The following ZBTB20 variants were observed in gnomAD, a reference collection of about 807,000 sequenced individuals.
The protein encoded by ZBTB20 is zinc finger and BTB domain containing 20.
ZBTB20 carries 9 observed loss-of-function variants against 56.9 expected under a neutral mutation model. The observed-to-expected ratio is 0.16, with a 90% confidence interval of 0.10 to 0.28. ZBTB20 has a LOEUF of 0.28. ZBTB20 is among the 10% of genes least tolerant of loss of function. ZBTB20 has a pLI of 1.00. For synonymous variants in ZBTB20, 417 were observed against 420.7 expected (o/e 0.99, Z 0.11); for missense variants, 655 against 1,003.0 (o/e 0.65, Z 4.69).
At position 114,317,514 on chromosome 3, in the gene ZBTB20, C is replaced by A. The variant is rs2078733109; in HGVS notation, c.*21491G>T. On this transcript the variant is annotated 3_prime_UTR_variant, in exon 12 of 12. Coordinates refer to ENST00000675478, the MANE Select transcript of ZBTB20 (RefSeq NM_001348800.3). ...CAATGTTCAGGAAATGCTCTGAAAT[C>A]AAACGGATTTAGGCTGTCATGTACA... is the stretch of plus-strand genomic sequence containing the variant. 1 of 152,062 alleles carries A rather than the reference C, an allele frequency of 6.6e-6. No individual in the cohort carries two copies. Among genetic ancestry groups the A allele is most frequent in the African/African-American group, 2.4e-5 (1 of 41,396 alleles). The allele number at this position is 152,062 out of a possible 1,614,324, so 9.4% of individuals were successfully genotyped here.
At chr3:115,146,999 G>C (rs1010314790) in intron 1 of ZBTB20, among the ~76,000 whole-genome samples, 18 of 147,990 alleles carry the variant, frequency 1.2e-4, no homozygotes, top group African/African-American at 4.0e-4. Flanking sequence ...CGGGCGGGGC[G>C]GGGCGGGGCG....
chr3:115,023,574 T>G (rs552228570), intron 2 of ZBTB20, among the ~76,000 whole-genome samples: 1 of 151,060 alleles, frequency 6.6e-6, no homozygotes, highest in South Asian at 2.1e-4. Flanking sequence ...ATGCTATACT[T>G]CTCTTTGACA....
intron 3 of ZBTB20, among the ~76,000 whole-genome samples, chr3:114,973,660 A>G (rs1235884264): frequency 6.6e-6 from 1 of 152,138 alleles, no homozygotes; most frequent in Non-Finnish European, 1.5e-5. Flanking sequence ...GTTGGATCGC[A>G]CCACCCCATC....
At chr3:114,914,189 T>C (rs973575280) in intron 3 of ZBTB20, among the ~76,000 whole-genome samples, 18 of 152,108 alleles carry the variant, frequency 1.2e-4, no homozygotes, top group African/African-American at 4.3e-4. Flanking sequence ...TTAACAATGT[T>C]GATCCTTCCA....
At chr3:114,473,491 C>T (rs1346196165) in intron 7 of ZBTB20, among the ~76,000 whole-genome samples, 6 of 151,960 alleles carry the variant, frequency 3.9e-5, no homozygotes, top group East Asian at 1.9e-4. Flanking sequence ...TTTTGTAGCC[C>T]GGCAATTTCC....
At chr3:115,106,215 G>A (rs900569809) in intron 1 of ZBTB20, among the ~76,000 whole-genome samples, 18 of 149,364 alleles carry the variant, frequency 1.2e-4, no homozygotes, top group Non-Finnish European at 2.2e-4. Context: ...TGTAAGTGGC[G>A]TAATTACACA....
intron 6 of ZBTB20, among the ~76,000 whole-genome samples, chr3:114,537,088 T>C (rs779836845): frequency 6.6e-6 from 1 of 152,086 alleles, no homozygotes; most frequent in African/African-American, 2.4e-5. Context: ...GGCAAAGACT[T>C]CATGACTAAA....
chr3:114,738,063 C>A (rs1286377922), intron 5 of ZBTB20, among the ~76,000 whole-genome samples: 3 of 151,804 alleles, frequency 2.0e-5, no homozygotes, highest in Non-Finnish European at 4.4e-5. Flanking sequence ...TGAATATAGC[C>A]ACTAGGTCAA....
intron 4 of ZBTB20, among the ~76,000 whole-genome samples, chr3:114,856,170 T>A (rs72958225): frequency 8.5e-5 from 13 of 152,106 alleles, no homozygotes; most frequent in African/African-American, 3.1e-4. Flanking sequence ...CTTCTAGAGA[T>A]AAAAAATTCC....
chr3:114,539,464 C>A (rs1227583507), intron 6 of ZBTB20, among the ~76,000 whole-genome samples: 1 of 152,038 alleles, frequency 6.6e-6, no homozygotes, highest in Non-Finnish European at 1.5e-5. Context: ...TGCTTCTCTA[C>A]CTTAGGACAT....
In ZBTB20 at chr3:114,325,703, C is replaced by T. The variant is rs1021384822; in HGVS notation, c.*13302G>A. On this transcript the variant is annotated 3_prime_UTR_variant, in exon 12 of 12. Transcript: ENST00000675478. ...GTCCCATCACATTGTCCTGTTCCCT[C>T]TCTTTGTTTTTCTCTGTTCACTTAA... 6 of 152,136 alleles carry T rather than the reference C, an allele frequency of 3.9e-5. No individual in the cohort carries two copies. In the South Asian group the frequency reaches 1.2e-3, roughly 32 times the overall value. 9.4% of individuals were successfully genotyped at this position (152,136 alleles called of 1,614,324 possible).
chr3:114,367,655 C>T (rs2082557640), intron 10 of ZBTB20, among the ~76,000 whole-genome samples: 1 of 152,210 alleles, frequency 6.6e-6, no homozygotes, highest in Admixed American at 6.5e-5. Flanking sequence ...AACACTCTAA[C>T]CCTTCCCTAT....
At chr3:115,005,134 T>A (rs1486385597) in intron 2 of ZBTB20, among the ~76,000 whole-genome samples, 1 of 151,752 alleles carries the variant, frequency 6.6e-6, no homozygotes, top group Non-Finnish European at 1.5e-5. Context: ...TGAAAATTTG[T>A]TTTCAATTCT....
intron 6 of ZBTB20, among the ~76,000 whole-genome samples, chr3:114,578,306 C>T (rs2054299858): frequency 6.6e-6 from 1 of 151,866 alleles, no homozygotes; most frequent in Non-Finnish European, 1.5e-5. Flanking sequence ...AATGAAATAG[C>T]AATTGAGATA....
intron 2 of ZBTB20, among the ~76,000 whole-genome samples, chr3:115,029,228 A>G (rs1276443174): frequency 6.6e-6 from 1 of 150,866 alleles, no homozygotes; most frequent in Non-Finnish European, 1.5e-5. Context: ...GTAATGTTAA[A>G]AAATTTTGAA....
At chr3:114,346,929 A>G (rs2470195) in intron 11 of ZBTB20, among the ~76,000 whole-genome samples, 54,324 of 151,470 alleles carry the variant, frequency 0.36, 10,068 homozygotes, top group Non-Finnish European at 0.4. Flanking sequence ...CAAGTGATCC[A>G]CCCACCTTTA....
intron 5 of ZBTB20, among the ~76,000 whole-genome samples, chr3:114,771,982 C>T (rs78866135): frequency 0.034 from 5,210 of 152,262 alleles, 143 homozygotes; most frequent in African/African-American, 0.07. Context: ...ATCCTGCTCT[C>T]AATAGGTCAC....
chr3:114,803,843 T>TA (rs36119839), intron 4 of ZBTB20, among the ~76,000 whole-genome samples: 105,226 of 150,662 alleles, frequency 0.7, 41,030 homozygotes, highest in East Asian at 0.96. Context: ...AAAATAGATT[T>TA]CAGAGTATGT....
chr3:114,403,753 A>G (rs2087030303), intron 7 of ZBTB20, among the ~76,000 whole-genome samples: 1 of 152,142 alleles, frequency 6.6e-6, no homozygotes, highest in African/African-American at 2.4e-5. Flanking sequence ...GATAATCCAG[A>G]TATACAAAAC....
Sources: allele counts gnomAD v4.1 joint callset (sites outside exome capture counted in the v4.1 genomes callset), GRCh38; gene constraint gnomAD v4.1.1; transcripts MANE v1.5; gene names NCBI Gene and HGNC (gene_info 2026-07-23, HGNC 2026-07-21).